The following CNTNAP4 variants were observed in gnomAD, a reference collection of about 807,000 sequenced individuals.
CNTNAP4 encodes contactin associated protein family member 4, also known as contactin-associated protein-like 4.
A neutral mutation model predicts 148.4 loss-of-function variants in CNTNAP4; 98 were observed. That is an observed-to-expected ratio of 0.66 (90% CI 0.56 to 0.78). The LOEUF (loss-of-function observed/expected upper bound fraction) is 0.78. CNTNAP4 is among the 30% of genes least tolerant of loss of function. CNTNAP4 has a pLI of 0.00. For missense variants in CNTNAP4, 1,935 were observed against 1,565.6 expected (o/e 1.24, Z -3.98); for synonymous variants, 730 against 565.1 (o/e 1.29, Z -4.14).
At chr16:76,351,040 T>G (rs1373674748) in intron 2 of CNTNAP4, among the ~76,000 whole-genome samples, 1 of 152,086 alleles carries the variant, frequency 6.6e-6, no homozygotes, top group East Asian at 1.9e-4. Context: ...AGAGATGGGG[T>G]TGAGAAAAGA....
At chr16:76,417,048 G>T (rs1404461105) in intron 3 of CNTNAP4, among the ~76,000 whole-genome samples, 1 of 151,202 alleles carries the variant, frequency 6.6e-6, no homozygotes, top group Non-Finnish European at 1.5e-5. Flanking sequence ...TTTTATTAGT[G>T]TTAACGTGTG....
rs1392543511 is a variant in CNTNAP4 at position 76,502,931 on chromosome 16, A to G, written c.2365+4237A>G. Reference sequence around the variant, plus strand: ...AAAGAAGGTGAAGTTGTGGGAAAGCAGGACAAATAAAACATGACTGTTGGA... The same window carrying G: ...AAAGAAGGTGAAGTTGTGGGAAAGCGGGACAAATAAAACATGACTGTTGGA... On this transcript the variant is annotated intron_variant, in intron 15 of 23. Transcript: ENST00000611870. Among the ~76,000 whole-genome samples the G allele has an allele frequency of 5.3e-5, 8 of 152,322 alleles. No homozygotes were observed. The South Asian group carries it at 1.2e-3, about 24-fold the overall frequency.
intron 3 of CNTNAP4, among the ~76,000 whole-genome samples, chr16:76,386,134 C>T (rs1007152998): frequency 6.6e-6 from 1 of 152,080 alleles, no homozygotes; most frequent in African/African-American, 2.4e-5. Flanking sequence ...GCACATAAAG[C>T]TTTGATTTGG....
chr16:76,313,852 C>A (rs1380474088), intron 1 of CNTNAP4, among the ~76,000 whole-genome samples: 1 of 151,802 alleles, frequency 6.6e-6, no homozygotes, highest in African/African-American at 2.4e-5. Flanking sequence ...GGACAATAAC[C>A]CTGTATAATT....
At chr16:76,497,503 T>TG (rs772139820) in intron 14 of CNTNAP4, among the ~76,000 whole-genome samples, 1 of 151,940 alleles carries the variant, frequency 6.6e-6, no homozygotes, top group Non-Finnish European at 1.5e-5. Flanking sequence ...AGAAATCATA[T>TG]GGGGGGCAGC....
chr16:76,494,933 G>A lies in CNTNAP4; in HGVS notation c.2104G>A (p.Val702Ile), dbSNP rs768335181. The A allele has an allele frequency of 1.4e-5, 22 of 1,613,396 alleles. No individual in the cohort carries two copies. The highest frequency in any genetic ancestry group is 6.7e-5 in the Admixed American group (4 of 59,994). Residue 702 changes from valine (V) to isoleucine (I), a missense_variant, in exon 14 of 24, where the codon GTA (valine) becomes ATA (isoleucine). Physicochemically the swap from Val to Ile is conservative, Grantham distance 29. Coordinates refer to ENST00000611870, the MANE Select transcript of CNTNAP4 (RefSeq NM_033401.5). ...AGATGGAACCCCTCTGAGTTGGTGG[G>A]TAGGAAGAACCAATGAAACGCAAAC... Reference protein sequence around the residue: ...KQDGTPLSWWVGRTNETQTYW... With the variant: ...KQDGTPLSWWIGRTNETQTYW...
intron 2 of CNTNAP4, among the ~76,000 whole-genome samples, chr16:76,338,198 A>T (rs1352921783): frequency 2.6e-5 from 4 of 152,216 alleles, no homozygotes; most frequent in East Asian, 3.8e-4. Flanking sequence ...AAGGACAGGC[A>T]TAAGAAATTA....
At chr16:76,394,929 GACTCCTCTTTT>G (rs1354669964) in intron 3 of CNTNAP4, among the ~76,000 whole-genome samples, 7 of 152,026 alleles carry the variant, frequency 4.6e-5, no homozygotes, top group Non-Finnish European at 8.8e-5. Context: ...AGGGCTCTGT[GACTCCTCTTTT>G]ACCACCGTGA....
chr16:76,410,014 A>G (rs2144908474), intron 3 of CNTNAP4, among the ~76,000 whole-genome samples: 1 of 152,006 alleles, frequency 6.6e-6, no homozygotes. Context: ...TCCAATTTAT[A>G]GATAAAGAAA....
intron 22 of CNTNAP4, 35 bp downstream of exon 22, chr16:76,553,536 C>T (rs368189381): frequency 4.5e-5 from 65 of 1,443,786 alleles, no homozygotes; most frequent in Non-Finnish European, 5.5e-5. Context: ...CAGTCACAGA[C>T]GTAGCTTGTC....
chr16:76,360,456 TCTC>T (rs1231615167), intron 3 of CNTNAP4, among the ~76,000 whole-genome samples: 2 of 152,186 alleles, frequency 1.3e-5, no homozygotes, highest in African/African-American at 4.8e-5. Flanking sequence ...GGTAGGTGAC[TCTC>T]CTCCTTGTGA....
chr16:76,510,469 CT>C (rs58556090), intron 15 of CNTNAP4, among the ~76,000 whole-genome samples: 22 of 149,354 alleles, frequency 1.5e-4, no homozygotes, highest in African/African-American at 5.4e-4. Context: ...TCCATGTATG[CT>C]TTTTTTTTTG....
chr16:76,414,604 A>G (rs780436906), intron 3 of CNTNAP4, among the ~76,000 whole-genome samples: 8 of 151,100 alleles, frequency 5.3e-5, no homozygotes, highest in African/African-American at 1.9e-4. Flanking sequence ...TACTGGTGTG[A>G]TTTTGTCCTT....
At chr16:76,525,697 A>AAT (rs1568510851) in intron 17 of CNTNAP4, among the ~76,000 whole-genome samples, 2 of 145,680 alleles carry the variant, frequency 1.4e-5, no homozygotes, top group East Asian at 2.0e-4. Flanking sequence ...ATTATAAACT[A>AAT]ATATATATAA....
At chr16:76,370,580 A>G (rs2014691582) in intron 3 of CNTNAP4, among the ~76,000 whole-genome samples, 1 of 152,220 alleles carries the variant, frequency 6.6e-6, no homozygotes, top group Admixed American at 6.5e-5. Flanking sequence ...AGCCTGGGAC[A>G]CAGTCCACGT....
intron 2 of CNTNAP4, among the ~76,000 whole-genome samples, chr16:76,338,368 G>A (rs9921874): frequency 6.6e-6 from 1 of 151,922 alleles, no homozygotes; most frequent in Non-Finnish European, 1.5e-5. Flanking sequence ...CTGCCCTCCT[G>A]TTGCCCCCTC....
intron 4 of CNTNAP4, among the ~76,000 whole-genome samples, chr16:76,443,153 T>C (rs932036458): frequency 2.6e-5 from 4 of 152,096 alleles, no homozygotes; most frequent in Admixed American, 2.0e-4. Flanking sequence ...TATACTTAAA[T>C]ATATAAAACC....
At chr16:76,539,873 G>GA (rs1468294793) in intron 20 of CNTNAP4, 21 bp downstream of exon 20, 1 of 1,535,006 alleles carries the variant, frequency 6.5e-7, no homozygotes, top group African/African-American at 1.4e-5. Context: ...AAATTCAGCA[G>GA]AAGCAATCAT....
chr16:76,339,952 C>T (rs1438502894), intron 2 of CNTNAP4, among the ~76,000 whole-genome samples: 1 of 152,146 alleles, frequency 6.6e-6, no homozygotes, highest in African/African-American at 2.4e-5. Flanking sequence ...TTAACTGCAG[C>T]TGGGAGGTGG....
Sources: gnomAD v4.1 joint callset for allele counts (sites outside exome capture counted in the v4.1 genomes callset) on GRCh38, gnomAD v4.1.1 for gene constraint, MANE v1.5 for transcripts, NCBI Gene and HGNC (gene_info 2026-07-23, HGNC 2026-07-21) for gene names.